LAMB4: variants seen among roughly 807,000 people sequenced by gnomAD.
LAMB4 encodes laminin subunit beta-4.
A neutral mutation model predicts 199.2 loss-of-function variants in LAMB4; 196 were observed. The ratio of observed to expected loss-of-function variants is 0.98; its 90% CI spans 0.88 to 1.11. The LOEUF is 1.11. Among genes scored for constraint, LAMB4 ranks in the 50% least tolerant of loss-of-function variants. The pLI is 0.00. For missense variants in LAMB4, 2,080 were observed against 2,171.2 expected (o/e 0.96, Z 0.83); for synonymous variants, 744 against 770.6 (o/e 0.97, Z 0.57).
intron 28 of LAMB4, among the ~76,000 whole-genome samples, chr7:108,047,140 G>A (rs1049040056): frequency 2.0e-5 from 3 of 151,996 alleles, no homozygotes; most frequent in South Asian, 2.1e-4. Context: ...ATGTCCACAC[G>A]AGTCTATGAC....
chr7:108,029,255 A>G (rs1354384666), intron 32 of LAMB4, 59 bp from the exon 33 acceptor site: 13 of 1,435,158 alleles, frequency 9.1e-6, no homozygotes, highest in Non-Finnish European at 1.1e-5. Flanking sequence ...ACATATATGC[A>G]TGATGATTCT....
chr7:108,116,965 T>A (rs1160797858), intron 2 of LAMB4, among the ~76,000 whole-genome samples: 1 of 152,094 alleles, frequency 6.6e-6, no homozygotes, highest in African/African-American at 2.4e-5. Context: ...TGAGCCCAGG[T>A]ATTCAAGTCT....
At chr7:108,013,257 A>C in the LAMB4 span, among the ~76,000 whole-genome samples, 9 of 152,336 alleles carry the variant, frequency 5.9e-5, no homozygotes, top group East Asian at 1.7e-3. Context: ...TGTCAAGCAC[A>C]TTTAGGAATG....
intron 14 of LAMB4, among the ~76,000 whole-genome samples, chr7:108,090,448 T>C (rs1453349909): frequency 6.6e-6 from 1 of 152,150 alleles, no homozygotes; most frequent in African/African-American, 2.4e-5. Flanking sequence ...TGGATATTTT[T>C]CCTTAAGCCA....
Position 108,123,145 on chromosome 7 carries a change from A to T in LAMB4, c.20T>A (p.Leu7His), listed in dbSNP as rs762561231. The T allele has an allele frequency of 3.1e-6, 5 of 1,610,924 alleles. No individual in the cohort carries two copies. In the East Asian group the frequency reaches 8.9e-5, roughly 29 times the overall value. Reference protein sequence around the residue: MQFQLTLFLHLGWLSYS... With the variant: MQFQLTHFLHLGWLSYS... The stretch of plus-strand genomic sequence containing the variant: ...CAAATACTCACCAAGGTGCAAAAAA[A>T]GGGTCAGTTGAAATTGCATTCTTTT... Residue 7 changes from leucine (L) to histidine (H), a missense_variant, in exon 2 of 34, where the codon CTT becomes CAT. Physicochemically the swap from Leu to His is moderately conservative, Grantham distance 99 (BLOSUM62 -3). Transcript: ENST00000388781.
chr7:108,066,418 C>T lies in LAMB4; in HGVS notation c.2629G>A (p.Gly877Arg), dbSNP rs1171867151. 1 of 1,614,218 alleles carries T rather than the reference C, an allele frequency of 6.2e-7. No homozygotes were observed. Among genetic ancestry groups the T allele is most frequent in the Non-Finnish European group, 8.5e-7 (1 of 1,180,032 alleles). ...AAGCCTCCACAATTGAAGCATGACC[C>T]TGTCTCAGGATCACAAAGTTCAGCA... is the stretch of plus-strand genomic sequence containing the variant. ...RFAELCDPETGSCFNCGGFTT... is the reference protein window; with the variant it reads ...RFAELCDPETRSCFNCGGFTT... Residue 877 changes from glycine (G) to arginine (R), a missense_variant, in exon 20 of 34, where the codon GGG (glycine) becomes AGG (arginine). Gly to Arg is a moderately radical substitution (Grantham distance 125). Coordinates refer to ENST00000388781, the MANE Select transcript of LAMB4 (RefSeq NM_007356.3).
At chr7:108,127,931 C>A (rs1408460385) in intron 1 of LAMB4, among the ~76,000 whole-genome samples, 1 of 152,080 alleles carries the variant, frequency 6.6e-6, no homozygotes, top group Non-Finnish European at 1.5e-5. Context: ...CTTAAGCAGA[C>A]CCTGAGAAAG....
chr7:108,127,175 GT>G (rs1333482138), intron 1 of LAMB4, among the ~76,000 whole-genome samples: 5,319 of 138,132 alleles, frequency 0.039, 317 homozygotes, highest in African/African-American at 0.13. Flanking sequence ...AATCACCAGG[GT>G]TTTTTTTTTT....
chr7:108,085,518 A>C (rs958746313), intron 14 of LAMB4, among the ~76,000 whole-genome samples: 1 of 152,238 alleles, frequency 6.6e-6, no homozygotes, highest in African/African-American at 2.4e-5. Context: ...CATGAAAGAA[A>C]GTATAAAGCT....
At chr7:108,103,655 G>A (rs2150648582) in intron 9 of LAMB4, among the ~76,000 whole-genome samples, 1 of 152,296 alleles carries the variant, frequency 6.6e-6, no homozygotes, top group African/African-American at 2.4e-5. Context: ...AACCGGCCTG[G>A]CCCCTCTTTC....
intron 24 of LAMB4, among the ~76,000 whole-genome samples, chr7:108,057,495 T>C (rs970329113): frequency 7.9e-5 from 12 of 152,212 alleles, no homozygotes; most frequent in Non-Finnish European, 1.5e-4. Context: ...CGTGGCTATG[T>C]ATGGCTGACC....
chr7:108,020,243 G>A (rs531563754), downstream of LAMB4, among the ~76,000 whole-genome samples: 1 of 152,160 alleles, frequency 6.6e-6, no homozygotes, highest in South Asian at 2.1e-4. Flanking sequence ...GGAGGCTGAG[G>A]TGGGCAGATC....
At position 108,045,439 on chromosome 7, in the gene LAMB4, C is replaced by T. The variant is rs989295018; in HGVS notation, c.4327-1543G>A. 5.3e-5 allele frequency among the ~76,000 whole-genome samples: 8 copies of T among 152,306 alleles called. No homozygotes were observed. In the East Asian group the frequency reaches 1.5e-3, roughly 29 times the overall value. On this transcript the variant is annotated intron_variant, in intron 28 of 33. Transcript: ENST00000388781. ...CTCCTTCTAATCAAGAGGAAAATAG[C>T]ACACCATTTCATCAACATGACATCC...
At chr7:108,064,890 T>A (rs2036281439) in intron 21 of LAMB4, among the ~76,000 whole-genome samples, 2 of 144,508 alleles carry the variant, frequency 1.4e-5, no homozygotes, top group South Asian at 4.2e-4. Flanking sequence ...CATGTGTAAA[T>A]ACCTTTTTTT....
rs1241780581 is a variant in LAMB4, at chr7:108,095,356, C to T, written c.1361-19G>A. The T allele has an allele frequency of 3.9e-6, 6 of 1,525,162 alleles. No individual in the cohort carries two copies. The highest frequency in any genetic ancestry group is 5.5e-6 in the Non-Finnish European group (6 of 1,099,914). The allele number at this position is 1,525,162 out of a possible 1,614,324, so 94.5% of individuals were successfully genotyped here. ...TCGCAGGCTGAAAGCACAGCATACA[C>T]AATTATTCTCATTCTTAATTCCTCC... On this transcript the variant is annotated intron_variant, in intron 11 of 33. Coordinates refer to ENST00000388781, the MANE Select transcript of LAMB4 (RefSeq NM_007356.3).
At chr7:108,128,816 A>G (rs1563119679) in intron 1 of LAMB4, among the ~76,000 whole-genome samples, 1 of 152,222 alleles carries the variant, frequency 6.6e-6, no homozygotes, top group Non-Finnish European at 1.5e-5. Context: ...CAGGGGCTAC[A>G]TGGCACTCTT....
In LAMB4 at chr7:108,049,439, T is replaced by C; in HGVS notation, c.4009A>G (p.Asn1337Asp). 5 of 1,590,806 alleles carry C rather than the reference T, an allele frequency of 3.1e-6. No individual in the cohort carries two copies. Among genetic ancestry groups the C allele is most frequent in the Non-Finnish European group, 4.3e-6 (5 of 1,159,814 alleles). The change falls in exon 27 of 34, where the codon AAT becomes GAT. Residue 1337 changes from asparagine (N) to aspartate (D), a missense_variant. Asn to Asp is a conservative substitution (Grantham distance 23). Transcript: ENST00000388781. ...ETSSTINTSANTRNDLLTILD... is the reference protein window; with the variant it reads ...ETSSTINTSADTRNDLLTILD... The stretch of plus-strand genomic sequence containing the variant: ...ATGGTAAGTAAGTCATTCCTTGTAT[T>C]TGCAGAGGTATTAATGGTGGAACTA...
chr7:108,015,708 G>A, the LAMB4 span, among the ~76,000 whole-genome samples: 1 of 145,438 alleles, frequency 6.9e-6, no homozygotes, highest in Admixed American at 6.8e-5. Context: ...ATTTCTATAT[G>A]TAGTCCTATT....
intron 3 of LAMB4, among the ~76,000 whole-genome samples, chr7:108,115,546 C>T (rs1258019458): frequency 6.6e-6 from 1 of 152,028 alleles, no homozygotes; most frequent in Non-Finnish European, 1.5e-5. Flanking sequence ...TGGTGCATGC[C>T]TGTATTTTTA....
Sources: gnomAD v4.1 joint callset for allele counts (sites outside exome capture counted in the v4.1 genomes callset) on GRCh38, gnomAD v4.1.1 for gene constraint, MANE v1.5 for transcripts, NCBI Gene and HGNC (gene_info 2026-07-23, HGNC 2026-07-21) for gene names.